The following CLXN variants were observed in gnomAD, a reference collection of about 807,000 sequenced individuals.
CLXN encodes EF-hand calcium binding domain 1.
At chr8:48,722,839 A>G in the CLXN span, among the ~76,000 whole-genome samples, 2 of 152,214 alleles carry the variant, frequency 1.3e-5, no homozygotes, top group South Asian at 4.1e-4. Context: ...GCCATTTCCA[A>G]CAACATGGAT....
the CLXN span, chr8:48,735,151 T>C: frequency 3.1e-6 from 5 of 1,613,990 alleles, no homozygotes; most frequent in East Asian, 2.2e-5. Flanking sequence ...TTGCGGTTCA[T>C]GTCTGGCGCT....
At chr8:48,735,122 C>T in the CLXN span, 1 of 1,614,140 alleles carries the variant, frequency 6.2e-7, no homozygotes, top group Non-Finnish European at 8.5e-7. Flanking sequence ...TTAAGGTGTC[C>T]GTCAGCTTCT....
chr8:48,734,157 C>G, the CLXN span, among the ~76,000 whole-genome samples: 1 of 152,146 alleles, frequency 6.6e-6, no homozygotes, highest in African/African-American at 2.4e-5. Flanking sequence ...CTAGATCTTA[C>G]AATCTCTAAA....
At chr8:48,732,443 GA>G in the CLXN span, among the ~76,000 whole-genome samples, 2 of 152,060 alleles carry the variant, frequency 1.3e-5, no homozygotes, top group Non-Finnish European at 2.9e-5. Flanking sequence ...TTCTGGTTTG[GA>G]AAACCACATT....
the CLXN span, chr8:48,734,949 C>T: frequency 5.5e-6 from 5 of 911,942 alleles, no homozygotes; most frequent in Admixed American, 1.0e-4. Context: ...CTGACTTCTG[C>T]TTAAGGGGCC....
chr8:48,731,175 A>G, the CLXN span, among the ~76,000 whole-genome samples: 1 of 152,222 alleles, frequency 6.6e-6, no homozygotes, highest in African/African-American at 2.4e-5. Context: ...TACACAAAAT[A>G]AAGCCAATAT....
chr8:48,730,475 T>C, the CLXN span: 1 of 1,104,054 alleles, frequency 9.1e-7, no homozygotes, highest in Non-Finnish European at 1.3e-6. Context: ...TGAAAGACAC[T>C]GATTTAAGTG....
the CLXN span, among the ~76,000 whole-genome samples, chr8:48,723,098 T>C: frequency 6.6e-6 from 1 of 152,188 alleles, no homozygotes; most frequent in Admixed American, 6.5e-5. Flanking sequence ...GTGACTATAG[T>C]TAACAGTATT....
the CLXN span, chr8:48,729,274 T>A: frequency 1.4e-6 from 1 of 720,904 alleles, no homozygotes; most frequent in East Asian, 2.9e-5. Flanking sequence ...CCTGTAATCA[T>A]AGCACTTTGG....
the CLXN span, among the ~76,000 whole-genome samples, chr8:48,725,757 T>A: frequency 6.6e-6 from 1 of 152,026 alleles, no homozygotes; most frequent in Non-Finnish European, 1.5e-5. Flanking sequence ...TGAGCCGAGA[T>A]TGTGCCATTG....
chr8:48,735,147 T>C, the CLXN span: 2 of 1,613,960 alleles, frequency 1.2e-6, no homozygotes, highest in African/African-American at 2.7e-5. Context: ...TTTCTTGCGG[T>C]TCATGTCTGG....
At chr8:48,714,645 G>A in the CLXN span, among the ~76,000 whole-genome samples, 1 of 152,150 alleles carries the variant, frequency 6.6e-6, no homozygotes, top group Non-Finnish European at 1.5e-5. Flanking sequence ...ATGACGGTCC[G>A]TGATACTGGT....
chr8:48,731,744 A>T, the CLXN span, among the ~76,000 whole-genome samples: 1 of 152,182 alleles, frequency 6.6e-6, no homozygotes, highest in Non-Finnish European at 1.5e-5. Flanking sequence ...TAGCCAAGTT[A>T]CTAGAATAAT....
At chr8:48,731,541 T>TAATC in the CLXN span, 1 of 1,527,174 alleles carries the variant, frequency 6.5e-7, no homozygotes. Context: ...AATGAACCCT[T>TAATC]AATCTTTAAG....
the CLXN span, among the ~76,000 whole-genome samples, chr8:48,722,765 T>C: frequency 6.7e-6 from 1 of 149,360 alleles, no homozygotes; most frequent in Non-Finnish European, 1.5e-5. Context: ...GTCTCCCCAT[T>C]ACACACACAC....
chr8:48,710,827 T>G, the CLXN span: 1 of 152,218 alleles, frequency 6.6e-6, no homozygotes, highest in Non-Finnish European at 1.5e-5. Context: ...GTGGAGTAAT[T>G]CATAACCTAT....
chr8:48,731,367 A>G, the CLXN span: 1 of 1,612,350 alleles, frequency 6.2e-7, no homozygotes. Flanking sequence ...TAATCATGTC[A>G]TCTGTCATTC....
the CLXN span, among the ~76,000 whole-genome samples, chr8:48,717,192 T>G: frequency 6.6e-6 from 1 of 152,006 alleles, no homozygotes; most frequent in Non-Finnish European, 1.5e-5. Flanking sequence ...ACAAAGGGCC[T>G]AAAATAGGGT....
chr8:48,715,457 A>G, the CLXN span: 1 of 152,264 alleles, frequency 6.6e-6, no homozygotes, highest in Non-Finnish European at 1.5e-5. Context: ...GAAGCGTTTT[A>G]TCTGCATCAC....
Sources: allele counts gnomAD v4.1 joint callset (sites outside exome capture counted in the v4.1 genomes callset), GRCh38; gene constraint gnomAD v4.1.1; transcripts MANE v1.5; gene names NCBI Gene and HGNC (gene_info 2026-07-23, HGNC 2026-07-21).